Variants in KLHL3 observed in about 807,000 individuals in gnomAD.
The protein encoded by KLHL3 is kelch like family member 3.
In KLHL3, 19 loss-of-function variants were observed where a neutral mutation model predicts 70.5. The ratio of observed to expected loss-of-function variants is 0.27; its 90% CI spans 0.19 to 0.40. KLHL3 has a LOEUF of 0.40. KLHL3 is among the 10% of genes least tolerant of loss of function. The pLI, the probability that KLHL3 is intolerant of heterozygous loss-of-function variation, is 1.00. For synonymous variants in KLHL3, 258 were observed against 290.3 expected (o/e 0.89, Z 1.13); for missense variants, 512 against 771.1 (o/e 0.66, Z 3.98).
intron 11 of KLHL3, among the ~76,000 whole-genome samples, chr5:137,634,407 A>G (rs2149881969): frequency 6.6e-6 from 1 of 152,328 alleles, no homozygotes; most frequent in South Asian, 2.1e-4. Flanking sequence ...CTTTCTAAAT[A>G]AGTACCCGCA....
chr5:137,639,347 T>A lies in KLHL3; in HGVS notation c.1022-197A>T, dbSNP rs1750852144. Among the ~76,000 whole-genome samples, 4 of 152,158 alleles carry A rather than the reference T, an allele frequency of 2.6e-5. No individual in the cohort carries two copies. The highest frequency in any genetic ancestry group is 2.6e-4 in the Admixed American group (4 of 15,286). ...AATTTTGTCTGATTCAAGTAAATAT[T>A]TGAATCAGCTTTAACTCCCCAAGCT... is the stretch of plus-strand genomic sequence containing the variant. On this transcript the variant is annotated intron_variant, in intron 9 of 14. Transcript: ENST00000309755. This position sits in a 1 kb window ranked among gnomAD's most constrained non-coding sequence, Gnocchi z 5.0.
intron 7 of KLHL3, among the ~76,000 whole-genome samples, chr5:137,659,521 C>G (rs970185878): frequency 1.3e-5 from 2 of 151,956 alleles, no homozygotes; most frequent in Admixed American, 6.6e-5. Flanking sequence ...TTTTTTTTCC[C>G]CTCCCAGTAA....
Position 137,639,047 on chromosome 5 carries a change from C to T in KLHL3, c.1125G>A (p.Thr375=), listed in dbSNP as rs541909892. 5.6e-6 allele frequency: 9 copies of T among 1,614,126 alleles called. No individual in the cohort carries two copies. In the South Asian group the frequency reaches 7.7e-5, roughly 14 times the overall value. ...GGCGCTCCTGCATGCTGGCAATGGA[C>T]GTCCACTGGTCCTTCACGCCGTCAT... is the stretch of plus-strand genomic sequence containing the variant. ...DVYDGVKDQW[T]SIASMQERRS... is the part of the protein sequence containing the mutation. The change falls in exon 10 of 15, where the codon ACG becomes ACA. Residue 375 remains threonine, a synonymous_variant. Transcript: ENST00000309755. The surrounding 1 kb of genome is among the most constrained non-coding windows in gnomAD (Gnocchi z 5.0).
chr5:137,638,842 G>C, intron 10 of KLHL3, 111 bp downstream of exon 10: 7 of 991,526 alleles, frequency 7.1e-6, no homozygotes, highest in Non-Finnish European at 4.6e-6. Context: ...TGTCCCTGGG[G>C]CAGTAGCTAC....
intron 3 of KLHL3, among the ~76,000 whole-genome samples, chr5:137,704,165 C>T (rs1307639054): frequency 6.6e-6 from 1 of 152,100 alleles, no homozygotes; most frequent in African/African-American, 2.4e-5. Flanking sequence ...GCGGGTGGAT[C>T]ATGAGGTCAG....
intron 8 of KLHL3, among the ~76,000 whole-genome samples, chr5:137,647,996 T>C (rs1751099568): frequency 6.6e-6 from 1 of 152,224 alleles, no homozygotes; most frequent in Non-Finnish European, 1.5e-5. Context: ...GCTTAAATGA[T>C]ATGAAGCACT....
intron 12 of KLHL3, among the ~76,000 whole-genome samples, chr5:137,631,800 T>G (rs987243713): frequency 6.6e-6 from 1 of 152,160 alleles, no homozygotes; most frequent in African/African-American, 2.4e-5. Context: ...AACACCTTCA[T>G]AGAAACATAA....
chr5:137,731,752 G>T (rs1223316396), intron 1 of KLHL3, among the ~76,000 whole-genome samples: 1 of 152,178 alleles, frequency 6.6e-6, no homozygotes, highest in Admixed American at 6.5e-5. Context: ...AAGAAAAATA[G>T]ACAATTAACT....
At chr5:137,694,726 C>A (rs1752405650) in intron 4 of KLHL3, among the ~76,000 whole-genome samples, 1 of 152,140 alleles carries the variant, frequency 6.6e-6, no homozygotes, top group Non-Finnish European at 1.5e-5. Context: ...TGGGACTTTG[C>A]CATTTTTACC....
At chr5:137,685,642 T>A (rs1262607707) in intron 5 of KLHL3, among the ~76,000 whole-genome samples, 1 of 152,214 alleles carries the variant, frequency 6.6e-6, no homozygotes, top group Non-Finnish European at 1.5e-5. Context: ...TAGAAATGTA[T>A]CTGCTAACAT....
chr5:137,720,337 G>A (rs1402432765), intron 2 of KLHL3, 128 bp downstream of exon 2: 4 of 1,083,578 alleles, frequency 3.7e-6, no homozygotes, highest in Non-Finnish European at 5.3e-6. Flanking sequence ...GGGAACTCAA[G>A]TGACTAAGAA....
rs556651089 is a variant in KLHL3, at chr5:137,669,351, C to T, written c.637-7320G>A. On this transcript the variant is annotated intron_variant, in intron 6 of 14. Coordinates refer to ENST00000309755, the MANE Select transcript of KLHL3 (RefSeq NM_017415.3). ...GCCAATGTCTCTCCTGTGACTAATA[C>T]GCTACCTGCCACACAGAGAAATATT... Among the ~76,000 whole-genome samples, 44 of 152,186 alleles carry T rather than the reference C, an allele frequency of 2.9e-4. No homozygotes were observed. In the South Asian group the frequency reaches 5.4e-3, roughly 19 times the overall value.
intron 2 of KLHL3, among the ~76,000 whole-genome samples, chr5:137,716,993 C>T (rs1460932279): frequency 6.6e-6 from 1 of 152,172 alleles, no homozygotes; most frequent in Non-Finnish European, 1.5e-5. Context: ...TCAGTCCCTG[C>T]GGGGCTTAGA....
intron 12 of KLHL3, among the ~76,000 whole-genome samples, chr5:137,630,473 C>G (rs1213173584): frequency 6.6e-6 from 1 of 152,136 alleles, no homozygotes; most frequent in Non-Finnish European, 1.5e-5. Flanking sequence ...AACTTCGTGC[C>G]TGGCTGCCTC....
intron 4 of KLHL3, among the ~76,000 whole-genome samples, chr5:137,694,454 T>C (rs962033770): frequency 1.3e-5 from 2 of 152,206 alleles, no homozygotes; most frequent in South Asian, 2.1e-4. Context: ...TAAGCAGCCA[T>C]CATCTCCTCT....
chr5:137,684,280 C>T (rs1400267237), intron 5 of KLHL3, among the ~76,000 whole-genome samples: 3 of 152,190 alleles, frequency 2.0e-5, no homozygotes, highest in Non-Finnish European at 4.4e-5. Context: ...TGGCACCTAG[C>T]AAGTATTCAA....
intron 6 of KLHL3, among the ~76,000 whole-genome samples, chr5:137,672,317 C>T (rs547421295): frequency 6.6e-6 from 1 of 152,268 alleles, no homozygotes; most frequent in South Asian, 2.1e-4. Context: ...AACCACCTTG[C>T]TGGAAAGGCA....
chr5:137,677,717 A>G, intron 5 of KLHL3, 63 bp from the exon 6 acceptor site: 1 of 1,030,498 alleles, frequency 9.7e-7, no homozygotes, highest in Non-Finnish European at 1.4e-6. Context: ...CTGCCCTTCC[A>G]TGACAATCTG....
At chr5:137,696,955 C>T (rs1444214814) in intron 4 of KLHL3, among the ~76,000 whole-genome samples, 1 of 152,106 alleles carries the variant, frequency 6.6e-6, no homozygotes, top group African/African-American at 2.4e-5. Context: ...GTGTAGCTCT[C>T]ACAGCCATTT....
Sources: allele counts gnomAD v4.1 joint callset (sites outside exome capture counted in the v4.1 genomes callset), GRCh38; gene constraint gnomAD v4.1.1; non-coding constraint Gnocchi (gnomAD v3.1); transcripts MANE v1.5; gene names NCBI Gene and HGNC (gene_info 2026-07-23, HGNC 2026-07-21).